ARSB: variants seen among roughly 807,000 people sequenced by gnomAD.
ARSB encodes N-acetylgalactosamine-4-sulfatase.
A neutral mutation model predicts 50.9 loss-of-function variants in ARSB; 41 were observed. That is an observed-to-expected ratio of 0.81 (90% CI 0.63 to 1.04). The LOEUF is 1.04. ARSB is among the 50% of genes least tolerant of loss of function. ARSB has a pLI of 0.00. For synonymous variants in ARSB, 269 were observed against 284.8 expected (o/e 0.94, Z 0.56); for missense variants, 672 against 693.3 (o/e 0.97, Z 0.35).
chr5:78,785,622 CATCT>C (rs559601142), intron 6 of ARSB, among the ~76,000 whole-genome samples: 41 of 152,234 alleles, frequency 2.7e-4, no homozygotes, highest in Admixed American at 2.0e-3. Flanking sequence ...TTTTTCCATC[CATCT>C]GTCAACATGT....
At chr5:78,933,132 A>AC (rs1227992408) in intron 4 of ARSB, among the ~76,000 whole-genome samples, 1 of 152,258 alleles carries the variant, frequency 6.6e-6, no homozygotes, top group Non-Finnish European at 1.5e-5. Context: ...CAGAGGTGAC[A>AC]CTGCTCATCA....
intron 6 of ARSB, among the ~76,000 whole-genome samples, chr5:78,836,302 C>CTG (rs989857890): frequency 6.6e-5 from 10 of 152,064 alleles, no homozygotes; most frequent in African/African-American, 2.2e-4. Context: ...GCAGAGAACG[C>CTG]TGTGTGTGTG....
rs1748881317 is a variant in ARSB at position 78,780,151 on chromosome 5, T to G, written c.*246A>C. ...GTTAAGTTCCCAGCTGTCCCAAGGC[T>G]TAGGAAAGGGGGATAAACCCAGCCA... On this transcript the variant is annotated 3_prime_UTR_variant, in exon 8 of 8. Coordinates refer to ENST00000264914, the MANE Select transcript of ARSB (RefSeq NM_000046.5). The G allele has an allele frequency of 3.8e-6, 2 of 522,604 alleles. No individual in the cohort carries two copies. The highest frequency in any genetic ancestry group is 6.9e-6 in the Non-Finnish European group (2 of 289,796). 32.4% of individuals were successfully genotyped at this position (522,604 alleles called of 1,614,324 possible).
At chr5:78,937,245 A>C (rs1750644134) in intron 4 of ARSB, among the ~76,000 whole-genome samples, 1 of 149,106 alleles carries the variant, frequency 6.7e-6, no homozygotes, top group Non-Finnish European at 1.5e-5. Context: ...GCTCAGTTCA[A>C]GGAAGTTCGA....
chr5:78,824,645 T>C (rs2112681976), intron 6 of ARSB, among the ~76,000 whole-genome samples: 1 of 152,344 alleles, frequency 6.6e-6, no homozygotes, highest in African/African-American at 2.4e-5. Context: ...ACAGGAAAGT[T>C]ATCAGACCTG....
At chr5:78,842,780 C>CT (rs5868940) in intron 5 of ARSB, among the ~76,000 whole-genome samples, 82,250 of 141,226 alleles carry the variant, frequency 0.58, 23,977 homozygotes, top group Middle Eastern at 0.65. Context: ...GTTTTTTTCC[C>CT]TTTTTTTTTT....
rs163128 is a variant in ARSB at position 78,984,770 on chromosome 5, C to T, written c.312+167G>A. ...ATGCGCAGAGGCCGCGGCGGGCTGCCGGCCTGGAAGAGCGAGGTTGGGGCG... is the reference window on the plus strand; with the variant it reads ...ATGCGCAGAGGCCGCGGCGGGCTGCTGGCCTGGAAGAGCGAGGTTGGGGCG... On this transcript the variant is annotated intron_variant, in intron 1 of 7. Transcript: ENST00000264914. Among the ~76,000 whole-genome samples, 22,780 of 151,930 alleles carry T rather than the reference C, an allele frequency of 0.15. 2,007 individuals are homozygous for T. Among genetic ancestry groups the T allele is most frequent in the East Asian group, 0.31 (1,607 of 5,136 alleles).
intron 7 of ARSB, among the ~76,000 whole-genome samples, chr5:78,781,260 G>A (rs1256231415): frequency 6.7e-6 from 1 of 149,014 alleles, no homozygotes; most frequent in African/African-American, 2.5e-5. Flanking sequence ...TGAAGCATAA[G>A]AGTGACATTT....
chr5:78,783,263 C>T (rs1748977018), intron 6 of ARSB: 1 of 152,086 alleles, frequency 6.6e-6, no homozygotes, highest in Admixed American at 6.6e-5. Context: ...GAGTGGTTAA[C>T]CCATCTGTCT....
intron 3 of ARSB, among the ~76,000 whole-genome samples, chr5:78,959,826 T>C (rs182386680): frequency 6.6e-6 from 1 of 152,358 alleles, no homozygotes; most frequent in East Asian, 1.9e-4. Flanking sequence ...TTTAATACTA[T>C]ATGGTAGCCT....
intron 4 of ARSB, among the ~76,000 whole-genome samples, chr5:78,953,664 C>T (rs1751580218): frequency 6.6e-6 from 1 of 152,200 alleles, no homozygotes; most frequent in South Asian, 2.1e-4. Context: ...CACCAGATGA[C>T]AAGCCCTGAC....
chr5:78,808,090 CTCAAA>C (rs1329351470), intron 6 of ARSB, among the ~76,000 whole-genome samples: 159 of 53,330 alleles, frequency 3.0e-3, no homozygotes, highest in African/African-American at 0.013. Flanking sequence ...GAGACTCCGT[CTCAAA>C]AAAAAAAAAA....
chr5:78,811,512 C>T (rs1309716823), intron 6 of ARSB, among the ~76,000 whole-genome samples: 2 of 152,146 alleles, frequency 1.3e-5, no homozygotes, highest in Admixed American at 6.5e-5. Context: ...GGATTACACA[C>T]AATGGATTTA....
chr5:78,892,982 C>G (rs566403263), intron 4 of ARSB, among the ~76,000 whole-genome samples: 2 of 152,244 alleles, frequency 1.3e-5, no homozygotes, highest in African/African-American at 4.8e-5. Context: ...GTGTCCCTAC[C>G]CAAATCTCAT....
chr5:78,787,501 T>C (rs1749125594), intron 6 of ARSB, among the ~76,000 whole-genome samples: 1 of 152,174 alleles, frequency 6.6e-6, no homozygotes, highest in African/African-American at 2.4e-5. Context: ...GATGCCAATT[T>C]AAGAAATATT....
chr5:78,966,847 T>C (rs1016936379), intron 2 of ARSB, among the ~76,000 whole-genome samples: 5 of 151,882 alleles, frequency 3.3e-5, no homozygotes, highest in Non-Finnish European at 5.9e-5. Context: ...CTCTAGAATT[T>C]CCAAGATGAC....
chr5:78,792,722 G>A (rs943757008), intron 6 of ARSB, among the ~76,000 whole-genome samples: 2 of 152,128 alleles, frequency 1.3e-5, no homozygotes, highest in Non-Finnish European at 2.9e-5. Context: ...GAATTTCCAC[G>A]GTGGTCGCCA....
intron 1 of ARSB, among the ~76,000 whole-genome samples, chr5:78,978,484 T>C (rs1752760170): frequency 6.6e-6 from 1 of 152,178 alleles, no homozygotes; most frequent in African/African-American, 2.4e-5. Flanking sequence ...TTCCCTTTTT[T>C]TTAATAGAAA....
intron 5 of ARSB, among the ~76,000 whole-genome samples, chr5:78,846,765 G>A (rs776884414): frequency 1.4e-4 from 21 of 152,122 alleles, no homozygotes; most frequent in Non-Finnish European, 2.9e-4. Context: ...TGATTGCTCT[G>A]GCTAGGACTT....
Sources: allele counts gnomAD v4.1 joint callset (sites outside exome capture counted in the v4.1 genomes callset), GRCh38; gene constraint gnomAD v4.1.1; transcripts MANE v1.5; gene names NCBI Gene and HGNC (gene_info 2026-07-23, HGNC 2026-07-21).